Variants in ZNF706 observed in about 807,000 individuals in gnomAD.
The protein encoded by ZNF706 is zinc finger protein 706.
A neutral mutation model predicts 9.2 loss-of-function variants in ZNF706; 4 were observed. That is an observed-to-expected ratio of 0.43 (90% CI 0.21 to 0.99). The LOEUF (loss-of-function observed/expected upper bound fraction) is 0.99, where lower values mean the gene tolerates loss of function less well. ZNF706 is among the 50% of genes least tolerant of loss of function. The pLI is 0.26. For missense variants in ZNF706, 27 were observed against 87.8 expected (o/e 0.31, Z 2.77); for synonymous variants, 28 against 27.3 (o/e 1.03, Z -0.08).
At chr8:101,206,047 T>C (rs980620904), upstream of ZNF706, 3 of 151,688 alleles carry the variant, frequency 2.0e-5, no homozygotes, top group African/African-American at 7.3e-5. Context: ...GCGACCCTTT[T>C]CCCGCTCCTC....
rs749384005 is a variant in ZNF706 at position 101,199,253 on chromosome 8, G to A, written c.*13-14C>T. The A allele has an allele frequency of 1.0e-5, 7 of 701,260 alleles. No individual in the cohort carries two copies. The highest frequency in any genetic ancestry group is 8.9e-5 in the South Asian group (6 of 67,466). The allele number at this position is 701,260 out of a possible 1,614,324, so 43.4% of individuals were successfully genotyped here. On this transcript the variant is annotated splice_polypyrimidine_tract_variant and intron_variant, in intron 3 of 3. Transcript: ENST00000311212. ...TCATGAATTCACCTATAAAACATAA[G>A]CAAAATTTTCAATGAATGTTACCAT...
chr8:101,201,580 T>C lies in ZNF706; in HGVS notation c.135+27A>G, dbSNP rs758541706. ...AAGCCAAAACTGCCCACGGGAGAGC[T>C]GTATCTTTCAATTCAATTCCCCTTA... is the stretch of plus-strand genomic sequence containing the variant. On this transcript the variant is annotated intron_variant, in intron 2 of 3. Coordinates refer to ENST00000311212, the MANE Select transcript of ZNF706 (RefSeq NM_016096.5). This position sits in a 1 kb window ranked among gnomAD's most constrained non-coding sequence, Gnocchi z 4.5. The C allele has an allele frequency of 1.3e-5, 21 of 1,602,794 alleles. No homozygotes were observed. In the Admixed American group the frequency reaches 1.9e-4, roughly 14 times the overall value.
chr8:101,200,463 C>T (rs1416017806), intron 2 of ZNF706, among the ~76,000 whole-genome samples: 3 of 152,034 alleles, frequency 2.0e-5, no homozygotes, highest in Non-Finnish European at 4.4e-5. Context: ...AAACTAAAAC[C>T]CAGAGTTTAA....
rs188240626 is a variant in ZNF706, at chr8:101,197,342, C to A, written c.*1910G>T. On this transcript the variant is annotated 3_prime_UTR_variant, in exon 4 of 4. Coordinates refer to ENST00000311212, the MANE Select transcript of ZNF706 (RefSeq NM_016096.5). Reference sequence around the variant, plus strand: ...AGGGATGTTTGGTTTTTAACTCAAACACAGTAAAATGGGGATTGTACTAAT... The same window carrying A: ...AGGGATGTTTGGTTTTTAACTCAAAAACAGTAAAATGGGGATTGTACTAAT... The A allele has an allele frequency of 3.9e-5, 6 of 152,198 alleles. No homozygotes were observed. In the East Asian group the frequency reaches 9.7e-4, roughly 24 times the overall value. The allele number at this position is 152,198 out of a possible 1,614,324, so 9.4% of individuals were successfully genotyped here.
intron 3 of ZNF706, among the ~76,000 whole-genome samples, 183 bp from the exon 4 acceptor site, chr8:101,199,422 C>T (rs1404134634): frequency 2.0e-5 from 3 of 152,258 alleles, no homozygotes; most frequent in Non-Finnish European, 4.4e-5. Flanking sequence ...ACACACAACA[C>T]ACCCACCACC....
At chr8:101,199,335 AAT>A (rs1235819903) in intron 3 of ZNF706, 96 bp from the exon 4 acceptor site, 1 of 676,816 alleles carries the variant, frequency 1.5e-6, no homozygotes, top group East Asian at 2.7e-5. Flanking sequence ...CTATGAAGAT[AAT>A]ATCTGGTAAA....
Position 101,197,068 on chromosome 8 carries a change from C to A in ZNF706, c.*2184G>T, listed in dbSNP as rs937532187. 3 of 152,126 alleles carry A rather than the reference C, an allele frequency of 2.0e-5. No individual in the cohort carries two copies. The highest frequency in any genetic ancestry group is 7.2e-5 in the African/African-American group (3 of 41,424). The allele number at this position is 152,126 out of a possible 1,614,324, so 9.4% of individuals were successfully genotyped here. On this transcript the variant is annotated 3_prime_UTR_variant, in exon 4 of 4. Coordinates refer to ENST00000311212, the MANE Select transcript of ZNF706 (RefSeq NM_016096.5). ...CTAGTTTAGTTTTCTTTAATATCTTCTTTAATAAGACATTACAGCACACAA... is the reference window on the plus strand; with the variant it reads ...CTAGTTTAGTTTTCTTTAATATCTTATTTAATAAGACATTACAGCACACAA...
chr8:101,198,569 C>G lies in ZNF706; in HGVS notation c.*683G>C, dbSNP rs1049535974. On this transcript the variant is annotated 3_prime_UTR_variant, in exon 4 of 4. Coordinates refer to ENST00000311212, the MANE Select transcript of ZNF706 (RefSeq NM_016096.5). ...CACAAGGGCTCACTGACAATCCAAC[C>G]GCTTTTAGGAAGCTATCAGTTATCT... The G allele has an allele frequency of 6.6e-6, 1 of 152,174 alleles. No homozygotes were observed. The highest frequency in any genetic ancestry group is 2.4e-5 in the African/African-American group (1 of 41,424). The allele number at this position is 152,174 out of a possible 1,614,324, so 9.4% of individuals were successfully genotyped here. A position where few individuals can be genotyped will look rare whatever the true frequency, so the allele number is the denominator to read the frequency against.
intron 1 of ZNF706, chr8:101,204,622 AG>A: frequency 1.0e-6 from 1 of 985,424 alleles, no homozygotes; most frequent in Non-Finnish European, 1.2e-6. Context: ...GACAAACTGG[AG>A]GGAAAAAGTC....
chr8:101,203,422 G>C (rs1810636729), intron 1 of ZNF706: 1 of 152,154 alleles, frequency 6.6e-6, no homozygotes, highest in Admixed American at 6.5e-5. Flanking sequence ...CCAGGGAAGG[G>C]TGCTAGCTTC....
At chr8:101,199,783 T>G (rs747180952) in intron 3 of ZNF706, among the ~76,000 whole-genome samples, 10 of 152,222 alleles carry the variant, frequency 6.6e-5, no homozygotes, top group Non-Finnish European at 1.3e-4. Context: ...TCCCCATTTT[T>G]GGCTACAGTA....
rs893179738 is a variant in ZNF706, at chr8:101,204,979, C to G, written c.-3+456G>C. Reference sequence around the variant, plus strand: ...GTCTCCACCCAACACTTCTCCGACCCCAGCTTCAGCCTGGCGCACCTTCCT... The same window carrying G: ...GTCTCCACCCAACACTTCTCCGACCGCAGCTTCAGCCTGGCGCACCTTCCT... On this transcript the variant is annotated intron_variant, in intron 1 of 3. Transcript: ENST00000311212. 5.1e-6 allele frequency: 5 copies of G among 981,940 alleles called. No individual in the cohort carries two copies. The African/African-American group carries it at 8.7e-5, about 17-fold the overall frequency. The allele number at this position is 981,940 out of a possible 1,614,324, so 60.8% of individuals were successfully genotyped here. A position where few individuals can be genotyped will look rare whatever the true frequency, so the allele number is the denominator to read the frequency against.
chr8:101,200,081 G>A lies in ZNF706; in HGVS notation c.152C>T (p.Pro51Leu). The change falls in exon 3 of 4, where the codon CCT becomes CTT. Residue 51 changes from proline (P) to leucine (L), a missense_variant. Physicochemically the swap from Pro to Leu is moderately conservative, Grantham distance 98. Transcript: ENST00000311212. ...CTCAAAGTGCTGCTTGAAGGTCTTA[G>A]GGTCTGGCATTTGTGTCTAACAAAA... ...CTVCRTQMPD[P>L]KTFKQHFESK... is the part of the protein sequence containing the mutation. The A allele has an allele frequency of 6.2e-7, 1 of 1,612,522 alleles. No individual in the cohort carries two copies.
At chr8:101,200,823 A>T (rs1346233270) in intron 2 of ZNF706, 1 of 155,702 alleles carries the variant, frequency 6.4e-6, no homozygotes, top group African/African-American at 2.4e-5. Flanking sequence ...TAATGAGCTT[A>T]AACAAACAGG....
rs1359781527 is a variant in ZNF706 at position 101,199,135 on chromosome 8, G to A, written c.*117C>T. On this transcript the variant is annotated 3_prime_UTR_variant, in exon 4 of 4. Transcript: ENST00000311212. ...GAACAGCATAAAAATGAGTGTTTCT[G>A]TAGCCCCTTTATTTTTGCTGATCAA... is the stretch of plus-strand genomic sequence containing the variant. 2 of 673,940 alleles carry A rather than the reference G, an allele frequency of 3.0e-6. No homozygotes were observed. Among genetic ancestry groups the A allele is most frequent in the African/African-American group, 3.6e-5 (2 of 55,960 alleles). 41.7% of individuals were successfully genotyped at this position (673,940 alleles called of 1,614,324 possible).
At chr8:101,203,554 A>G (rs1267849763) in intron 1 of ZNF706, 1 of 152,220 alleles carries the variant, frequency 6.6e-6, no homozygotes, top group Non-Finnish European at 1.5e-5. Flanking sequence ...AGAAGTTCCC[A>G]CTAGCATTAA....
intron 1 of ZNF706, chr8:101,204,772 C>G: frequency 1.0e-6 from 1 of 985,396 alleles, no homozygotes; most frequent in Non-Finnish European, 1.2e-6. Flanking sequence ...AGCTCTGCCC[C>G]AAAGCTCCTT....
chr8:101,204,939 C>T, intron 1 of ZNF706: 2 of 985,530 alleles, frequency 2.0e-6, no homozygotes, highest in Non-Finnish European at 2.4e-6. Context: ...AGAGGAGGAA[C>T]GCACCCACAG....
Position 101,205,064 on chromosome 8 carries a change from C to A in ZNF706, c.-3+371G>T. The A allele has an allele frequency of 2.1e-6, 1 of 473,324 alleles. No individual in the cohort carries two copies. The highest frequency in any genetic ancestry group is 2.8e-6 in the Non-Finnish European group (1 of 362,110). 29.3% of individuals were successfully genotyped at this position (473,324 alleles called of 1,614,324 possible). ...TCCTCCTCCCTGCCACCAAAGGCCACGCAGCCCCCATCTAGCCAGTCCTCA... is the reference window on the plus strand; with the variant it reads ...TCCTCCTCCCTGCCACCAAAGGCCAAGCAGCCCCCATCTAGCCAGTCCTCA... On this transcript the variant is annotated intron_variant, in intron 1 of 3. Transcript: ENST00000311212. The surrounding 1 kb of genome is among the most constrained non-coding windows in gnomAD (Gnocchi z 6.6).
Sources: gnomAD v4.1 joint callset for allele counts (sites outside exome capture counted in the v4.1 genomes callset) on GRCh38, gnomAD v4.1.1 for gene constraint, Gnocchi (gnomAD v3.1) non-coding constraint, MANE v1.5 for transcripts, NCBI Gene and HGNC (gene_info 2026-07-23, HGNC 2026-07-21) for gene names.